FHOD3: variants seen among roughly 807,000 people sequenced by gnomAD.
FHOD3 encodes FH1/FH2 domain-containing protein 3.
Under a neutral mutation model 173.0 loss-of-function variants are expected in FHOD3, and 90 were observed. The ratio of observed to expected loss-of-function variants is 0.52; its 90% CI spans 0.44 to 0.62. FHOD3 has a LOEUF of 0.62. Among genes scored for constraint, FHOD3 ranks in the 20% least tolerant of loss-of-function variants. The pLI is 0.00. For synonymous variants in FHOD3, 828 were observed against 823.0 expected (o/e 1.01, Z -0.10); for missense variants, 1,945 against 2,034.7 (o/e 0.96, Z 0.85).
chr18:36,716,273 G>T (rs2040445489), intron 18 of FHOD3, among the ~76,000 whole-genome samples: 1 of 152,218 alleles, frequency 6.6e-6, no homozygotes, highest in East Asian at 1.9e-4. Context: ...CCATGGTTGT[G>T]GTAGCAGAGG....
chr18:36,360,082 T>A (rs540817982), intron 2 of FHOD3, among the ~76,000 whole-genome samples: 1 of 152,202 alleles, frequency 6.6e-6, no homozygotes, highest in South Asian at 2.1e-4. Flanking sequence ...TGCCTGTTGC[T>A]ACCCTCAGTG....
chr18:36,649,950 C>G (rs929349436), intron 11 of FHOD3, among the ~76,000 whole-genome samples: 1 of 152,220 alleles, frequency 6.6e-6, no homozygotes, highest in Non-Finnish European at 1.5e-5. Context: ...ACATATAACT[C>G]TATAGCCCTT....
intron 17 of FHOD3, among the ~76,000 whole-genome samples, chr18:36,706,789 G>A (rs923860276): frequency 1.1e-4 from 16 of 152,166 alleles, no homozygotes; most frequent in African/African-American, 3.9e-4. Flanking sequence ...TTCACCATAT[G>A]CTTACCAATT....
intron 10 of FHOD3, 107 bp from the exon 11 acceptor site, chr18:36,649,209 T>C: frequency 3.4e-6 from 2 of 590,562 alleles, no homozygotes; most frequent in Non-Finnish European, 5.6e-6. Context: ...ATTATTTCGT[T>C]GTTGTTGTTG....
chr18:36,400,478 T>G (rs752825085), intron 3 of FHOD3, among the ~76,000 whole-genome samples: 2 of 152,174 alleles, frequency 1.3e-5, no homozygotes, highest in South Asian at 4.1e-4. Context: ...GCCAGCAGCA[T>G]TGACATTACC....
rs534974643 is a variant in FHOD3, at chr18:36,750,546, T to G, written c.4232+3411T>G. Among the ~76,000 whole-genome samples, 3 of 152,318 alleles carry G rather than the reference T, an allele frequency of 2.0e-5. No homozygotes were observed. The South Asian group carries it at 6.2e-4, about 32-fold the overall frequency. On this transcript the variant is annotated intron_variant, in intron 24 of 28. Transcript: ENST00000590592. ...TGTGATTGCTTTTGGTAAATTTCGC[T>G]GTGATTGCTTTGTCAGCCTGTTCCT...
At chr18:36,347,442 T>A (rs1188278930) in intron 1 of FHOD3, among the ~76,000 whole-genome samples, 2 of 152,210 alleles carry the variant, frequency 1.3e-5, no homozygotes, top group African/African-American at 4.8e-5. Flanking sequence ...CTGGACTCTT[T>A]TGTTGACTTA....
chr18:36,332,936 A>C (rs925961886), intron 1 of FHOD3, among the ~76,000 whole-genome samples: 2 of 151,784 alleles, frequency 1.3e-5, no homozygotes, highest in Admixed American at 6.6e-5. Flanking sequence ...TTTGAGCCAG[A>C]CTCTGCCTGC....
Position 36,730,770 on chromosome 18 carries a change from T to G in FHOD3, c.3542T>G (p.Phe1181Cys). 1 of 1,614,182 alleles carries G rather than the reference T, an allele frequency of 6.2e-7. No homozygotes were observed. Among genetic ancestry groups the G allele is most frequent in the South Asian group, 1.1e-5 (1 of 91,064 alleles). The change falls in exon 20 of 29, where the codon TTT becomes TGT. Residue 1181 changes from phenylalanine to cysteine, a missense_variant. Physicochemically the swap from Phe to Cys is radical, Grantham distance 205 (BLOSUM62 -2). Transcript: ENST00000590592. ...ACGATTAAGATCGCCATTTTGAATT[T>G]TGATGAGTATGCCTTAAACAAAGAA... is the stretch of plus-strand genomic sequence containing the variant. ...PRTIKIAILN[F>C]DEYALNKEGI...
intron 3 of FHOD3, among the ~76,000 whole-genome samples, chr18:36,475,784 ACACACACACACG>A (rs1386688944): frequency 3.3e-5 from 4 of 120,736 alleles, no homozygotes; most frequent in Admixed American, 2.7e-4. Flanking sequence ...ACACACACAC[ACACACACACACG>A]CATACATACA....
chr18:36,603,573 G>A (rs527776157), intron 8 of FHOD3, among the ~76,000 whole-genome samples: 18 of 151,820 alleles, frequency 1.2e-4, no homozygotes, highest in Admixed American at 3.3e-4. Flanking sequence ...GCACGATCTC[G>A]GCTCACTGCA....
At chr18:36,742,498 A>G (rs954062247) in intron 21 of FHOD3, among the ~76,000 whole-genome samples, 1 of 152,134 alleles carries the variant, frequency 6.6e-6, no homozygotes, top group Non-Finnish European at 1.5e-5. Flanking sequence ...TAAGGCAGAA[A>G]TGGGGAGTCC....
intron 10 of FHOD3, among the ~76,000 whole-genome samples, chr18:36,628,947 C>T (rs961096656): frequency 1.3e-5 from 2 of 152,220 alleles, no homozygotes; most frequent in African/African-American, 4.8e-5. Flanking sequence ...GGACTTAACA[C>T]GTGAACTTTC....
rs867315460 is a variant in FHOD3, at chr18:36,728,362, A to C, written c.3418-2284A>C. On this transcript the variant is annotated intron_variant, in intron 19 of 28. Coordinates refer to ENST00000590592, the MANE Select transcript of FHOD3 (RefSeq NM_001281740.3). Reference sequence around the variant, plus strand: ...TTCTCATTCCTTTAGCATTCCACACACAACATAAAATTAGATTTAAAAGTT... The same window carrying C: ...TTCTCATTCCTTTAGCATTCCACACCCAACATAAAATTAGATTTAAAAGTT... Among the ~76,000 whole-genome samples, 44 of 152,350 alleles carry C rather than the reference A, an allele frequency of 2.9e-4. No individual in the cohort carries two copies. The Middle Eastern group carries it at 0.017, about 59-fold the overall frequency.
chr18:36,315,107 G>T (rs1035617869), intron 1 of FHOD3, among the ~76,000 whole-genome samples: 1 of 144,236 alleles, frequency 6.9e-6, no homozygotes, highest in African/African-American at 3.0e-5. Flanking sequence ...TGTCAGGCTG[G>T]CCTGGTCTCA....
intron 4 of FHOD3, among the ~76,000 whole-genome samples, chr18:36,504,847 T>C (rs2055221462): frequency 6.6e-6 from 1 of 152,222 alleles, no homozygotes; most frequent in East Asian, 1.9e-4. Context: ...CCATTAGAAA[T>C]GAATTTGAAA....
At chr18:36,666,063 C>T (rs2149271975) in intron 14 of FHOD3, among the ~76,000 whole-genome samples, 1 of 152,352 alleles carries the variant, frequency 6.6e-6, no homozygotes, top group Non-Finnish European at 1.5e-5. Context: ...TGACAACAGC[C>T]AGGGCCTGGA....
chr18:36,306,930 C>T (rs547776950), intron 1 of FHOD3, among the ~76,000 whole-genome samples: 7 of 152,218 alleles, frequency 4.6e-5, no homozygotes, highest in Admixed American at 2.0e-4. Flanking sequence ...AGTTGCCCTC[C>T]GGCCTTGGAG....
chr18:36,354,602 G>A (rs1285423581), intron 1 of FHOD3, among the ~76,000 whole-genome samples: 2 of 152,146 alleles, frequency 1.3e-5, no homozygotes, highest in East Asian at 3.9e-4. Flanking sequence ...AGGAGTTCGA[G>A]ACCAGGCTGG....
Sources: allele counts gnomAD v4.1 joint callset (sites outside exome capture counted in the v4.1 genomes callset), GRCh38; gene constraint gnomAD v4.1.1; transcripts MANE v1.5; gene names NCBI Gene and HGNC (gene_info 2026-07-23, HGNC 2026-07-21).